Variants in NOX4 observed in about 807,000 individuals in gnomAD.
The protein encoded by NOX4 is kidney oxidase-1.
A neutral mutation model predicts 87.6 loss-of-function variants in NOX4; 69 were observed. The ratio of observed to expected loss-of-function variants is 0.79; its 90% confidence interval spans 0.65 to 0.96. NOX4 has a LOEUF of 0.96. Ranked by LOEUF, NOX4 falls within the 40% of genes least tolerant of loss-of-function variation. NOX4 has a pLI of 0.00. For missense variants in NOX4, 680 were observed against 681.5 expected, an observed-to-expected ratio of 1.00 and a Z score of 0.02; for synonymous variants, 275 against 238.2, an observed-to-expected ratio of 1.15 and a Z score of -1.42.
the NOX4 span, among the ~76,000 whole-genome samples, chr11:89,555,696 C>T: frequency 6.6e-6 from 1 of 152,042 alleles, no homozygotes; most frequent in African/African-American, 2.4e-5. Context: ...AACAGAAGTA[C>T]CATGGACACC....
upstream of NOX4, among the ~76,000 whole-genome samples, chr11:89,495,846 T>C (rs896156191): frequency 6.6e-6 from 1 of 152,206 alleles, no homozygotes; most frequent in African/African-American, 2.4e-5. Flanking sequence ...ACCATTTTTG[T>C]TATTTCATGT....
intron 2 of NOX4, chr11:89,489,044 C>T (rs1459471597): frequency 1.4e-6 from 1 of 697,996 alleles, no homozygotes; most frequent in East Asian, 2.7e-5. Context: ...GCTTTACAGA[C>T]TATTTTTTTC....
chr11:89,549,517 T>C, the NOX4 span, among the ~76,000 whole-genome samples: 1 of 152,200 alleles, frequency 6.6e-6, no homozygotes, highest in African/African-American at 2.4e-5. Context: ...ATACTTTATG[T>C]TCTGGGATAC....
chr11:89,332,169 C>T (rs966692157), intron 17 of NOX4, among the ~76,000 whole-genome samples: 6 of 150,478 alleles, frequency 4.0e-5, no homozygotes, highest in East Asian at 1.9e-4. Flanking sequence ...TTAATCACCC[C>T]GGAGAGCTTA....
chr11:89,529,251 G>C, the NOX4 span, among the ~76,000 whole-genome samples: 13 of 152,180 alleles, frequency 8.5e-5, no homozygotes. Flanking sequence ...TCCTTTTCAG[G>C]GGTTTTTGCA....
the NOX4 span, among the ~76,000 whole-genome samples, chr11:89,532,909 CATGTAAGAT>C: frequency 7.5e-3 from 1,148 of 152,220 alleles, 13 homozygotes; most frequent in African/African-American, 0.026. Flanking sequence ...CTCCTGTCAT[CATGTAAGAT>C]GCATCTTGCT....
rs1397635251 is a variant in NOX4 at position 89,427,433 on chromosome 11, G to T, written c.548+5351C>A. ...GATGATCAAACTTCTCTGAGCTAAA[G>T]GAGGAAGTTCGAACCCATTGCAAAG... On this transcript the variant is annotated intron_variant, in intron 7 of 17. Transcript: ENST00000263317. 2.0e-5 allele frequency among the ~76,000 whole-genome samples: 3 copies of T among 152,124 alleles called. No homozygotes were observed. In the East Asian group the frequency reaches 5.8e-4, roughly 29 times the overall value.
intron 14 of NOX4, among the ~76,000 whole-genome samples, chr11:89,341,723 T>C (rs542879767): frequency 6.6e-6 from 1 of 152,332 alleles, no homozygotes; most frequent in South Asian, 2.1e-4. Context: ...CTGTAAGACC[T>C]ATTGGCACAT....
chr11:89,510,731 C>T, the NOX4 span, among the ~76,000 whole-genome samples: 3 of 152,112 alleles, frequency 2.0e-5, no homozygotes, highest in East Asian at 5.8e-4. Context: ...ATTATGTTTC[C>T]ATTTTAGCAG....
At chr11:89,516,433 C>T in the NOX4 span, among the ~76,000 whole-genome samples, 1 of 152,014 alleles carries the variant, frequency 6.6e-6, no homozygotes, top group African/African-American at 2.4e-5. Context: ...CTATGGTTTC[C>T]TGATTCTAGA....
At chr11:89,430,233 C>G (rs1203003890) in intron 7 of NOX4, among the ~76,000 whole-genome samples, 8 of 152,042 alleles carry the variant, frequency 5.3e-5, no homozygotes, top group Non-Finnish European at 1.2e-4. Context: ...TATGACAAAC[C>G]CACAGCCAAT....
intron 7 of NOX4, among the ~76,000 whole-genome samples, chr11:89,426,484 T>G (rs1018437475): frequency 2.0e-5 from 3 of 152,030 alleles, no homozygotes; most frequent in African/African-American, 7.2e-5. Context: ...CAAGGGAAGC[T>G]GTGACAGATG....
At chr11:89,334,536 T>A (rs1236382532) in intron 17 of NOX4, among the ~76,000 whole-genome samples, 1 of 151,890 alleles carries the variant, frequency 6.6e-6, no homozygotes, top group South Asian at 2.1e-4. Flanking sequence ...GAGATAGGGA[T>A]CATCTTGAAT....
intron 13 of NOX4, among the ~76,000 whole-genome samples, chr11:89,347,538 T>A (rs915309563): frequency 6.6e-6 from 1 of 152,168 alleles, no homozygotes; most frequent in African/African-American, 2.4e-5. Flanking sequence ...AAGGAAGGTA[T>A]CTCCATTATC....
At chr11:89,514,074 A>C in the NOX4 span, among the ~76,000 whole-genome samples, 3 of 152,106 alleles carry the variant, frequency 2.0e-5, no homozygotes, top group Admixed American at 2.0e-4. Context: ...TTAAAGCAGC[A>C]CAGAACGAAA....
intron 15 of NOX4, among the ~76,000 whole-genome samples, chr11:89,337,745 T>TA (rs1744855415): frequency 6.6e-6 from 1 of 152,042 alleles, no homozygotes; most frequent in African/African-American, 2.4e-5. Context: ...GTGGTAGTGG[T>TA]AGGGAATAAT....
At chr11:89,494,407 T>G (rs1946924735), upstream of NOX4, among the ~76,000 whole-genome samples, 2 of 152,210 alleles carry the variant, frequency 1.3e-5, no homozygotes, top group African/African-American at 4.8e-5. Flanking sequence ...CAATACTCTT[T>G]CTACATAATC....
intron 7 of NOX4, among the ~76,000 whole-genome samples, chr11:89,430,785 T>A (rs1169012601): frequency 6.6e-6 from 1 of 152,162 alleles, no homozygotes; most frequent in Non-Finnish European, 1.5e-5. Context: ...CTGCCCAAGG[T>A]AATTTATAGA....
chr11:89,587,370 C>T, the NOX4 span, among the ~76,000 whole-genome samples: 15 of 152,056 alleles, frequency 9.9e-5, no homozygotes, highest in Admixed American at 6.6e-4. Flanking sequence ...TTTAAAATGG[C>T]GAGTTTCAGA....
Sources: allele counts gnomAD v4.1 joint callset (sites outside exome capture counted in the v4.1 genomes callset), GRCh38; gene constraint gnomAD v4.1.1; transcripts MANE v1.5; gene names NCBI Gene and HGNC (gene_info 2026-07-23, HGNC 2026-07-21).